The following SPTBN4 variants were observed in gnomAD, a reference collection of about 807,000 sequenced individuals.
SPTBN4 encodes spectrin beta chain, non-erythrocytic 4.
SPTBN4 carries 96 observed loss-of-function variants against 277.8 expected under a neutral mutation model. The ratio of observed to expected loss-of-function variants is 0.35; its 90% CI spans 0.29 to 0.41. SPTBN4 has a LOEUF of 0.41. Among genes scored for constraint, SPTBN4 ranks in the 10% least tolerant of loss-of-function variants. The pLI, the probability that SPTBN4 is intolerant of heterozygous loss-of-function variation, is 1.00. For missense variants in SPTBN4, 3,006 were observed against 3,595.7 expected (o/e 0.84, Z 4.19); for synonymous variants, 1,481 against 1,580.3 (o/e 0.94, Z 1.49).
In SPTBN4 at chr19:40,557,363, T is replaced by C. The variant is rs902047906; in HGVS notation, c.5630T>C (p.Leu1877Pro). ...AGTGCCAGTTCCATGCAGCGGACCC[T>C]GAGAGCCTTTGAGCATGACCTGCAG... ...RPSASSMQRTLRAFEHDLQLL... is the reference protein window; with the variant it reads ...RPSASSMQRTPRAFEHDLQLL... The change falls in exon 26 of 36, where the codon CTG becomes CCG. Residue 1877 changes from leucine to proline, a missense_variant. By Grantham distance (98) the Leu-to-Pro change is moderately conservative. This residue lies in a region of SPTBN4 where 425 missense variants were observed against 594.7 expected (regional missense o/e 0.71). Coordinates refer to ENST00000598249, the MANE Select transcript of SPTBN4 (RefSeq NM_020971.3). 1.3e-6 allele frequency: 2 copies of C among 1,597,466 alleles called. No homozygotes were observed. The highest frequency in any genetic ancestry group is 2.2e-5 in the East Asian group (1 of 44,448).
Position 40,560,081 on chromosome 19 carries a change from C to G in SPTBN4, c.5671-78C>G. 1 of 1,483,230 alleles carries G rather than the reference C, an allele frequency of 6.7e-7. No individual in the cohort carries two copies. The highest frequency in any genetic ancestry group is 8.9e-7 in the Non-Finnish European group (1 of 1,121,220). The allele number at this position is 1,483,230 out of a possible 1,614,324, so 91.9% of individuals were successfully genotyped here. On this transcript the variant is annotated intron_variant, in intron 26 of 35. Transcript: ENST00000598249. The surrounding 1 kb of genome is among the most constrained non-coding windows in gnomAD (Gnocchi z 5.2). ...AGGCTCCTTATATCTTGAGGTTCTG[C>G]GCTGGAGCAGATGGTGGGAGGGAGG...
chr19:40,550,238 G>T lies in SPTBN4; in HGVS notation c.4585G>T (p.Ala1529Ser). Residue 1529 changes from alanine to serine, a missense_variant and splice_region_variant, in exon 22 of 36, where the codon GCA (alanine) becomes TCA (serine). By Grantham distance (99) the Ala-to-Ser change is moderately conservative. This residue lies in a region of SPTBN4 where 1,759 missense variants were observed against 2,061.5 expected (regional missense o/e 0.85). Coordinates refer to ENST00000598249, the MANE Select transcript of SPTBN4 (RefSeq NM_020971.3). ...GACCTGCTTCCTGTGTCCTCTCCAG[G>T]CATGGGTTCAGGAGCGGCTGCCACT... ...QVAHDLDDEL[A>S]WVQERLPLAM... 5 of 1,613,608 alleles carry T rather than the reference G, an allele frequency of 3.1e-6. No individual in the cohort carries two copies. The highest frequency in any genetic ancestry group is 4.2e-6 in the Non-Finnish European group (5 of 1,179,930).
rs529442079 is a variant in SPTBN4 at position 40,502,756 on chromosome 19, C to T, written c.1204-19C>T. ...TGGGGAGCTGTCAGAGTCTGAGTGC[C>T]TCCTCCCATCTCCTGCAGGCATGGG... On this transcript the variant is annotated intron_variant, in intron 10 of 35. Coordinates refer to ENST00000598249, the MANE Select transcript of SPTBN4 (RefSeq NM_020971.3). The surrounding 1 kb of genome is among the most constrained non-coding windows in gnomAD (Gnocchi z 4.9). The T allele has an allele frequency of 5.6e-6, 9 of 1,611,696 alleles. No individual in the cohort carries two copies. The highest frequency in any genetic ancestry group is 7.6e-6 in the Non-Finnish European group (9 of 1,178,896).
intron 17 of SPTBN4, among the ~76,000 whole-genome samples, chr19:40,528,055 C>CAAAAA (rs751179742): frequency 1.2e-4 from 4 of 33,656 alleles, no homozygotes; most frequent in African/African-American, 5.5e-4. Context: ...GACTCCATCT[C>CAAAAA]AAAAAAAAAA....
At chr19:40,514,239 A>G (rs1418562288) in intron 14 of SPTBN4, among the ~76,000 whole-genome samples, 1 of 152,178 alleles carries the variant, frequency 6.6e-6, no homozygotes, top group Non-Finnish European at 1.5e-5. Flanking sequence ...TGTGCTGGGC[A>G]CTGCTGGAAA....
At chr19:40,562,407 G>T (rs2081051708) in intron 27 of SPTBN4, among the ~76,000 whole-genome samples, 1 of 151,954 alleles carries the variant, frequency 6.6e-6, no homozygotes, top group Non-Finnish European at 1.5e-5. Flanking sequence ...GCATGTGCCT[G>T]TAGTCCCAGC....
At position 40,467,131 on chromosome 19, in the gene SPTBN4, G is replaced by C. The variant is rs2079832487; in HGVS notation, c.-190G>C. ...CGGGGGCGCGCTGAGCGCGGCGGCG[G>C]CGCGAGAGAGGGAGGCGCGGCGGCG... On this transcript the variant is annotated 5_prime_UTR_variant, in exon 1 of 36. Coordinates refer to ENST00000598249, the MANE Select transcript of SPTBN4 (RefSeq NM_020971.3). 6.7e-6 allele frequency: 1 copy of C among 148,844 alleles called. No homozygotes were observed. Among genetic ancestry groups the C allele is most frequent in the Non-Finnish European group, 1.5e-5 (1 of 66,428 alleles). 9.2% of individuals were successfully genotyped at this position (148,844 alleles called of 1,614,324 possible).
At chr19:40,570,044 ACT>A (rs1408757567) in intron 32 of SPTBN4, among the ~76,000 whole-genome samples, 1 of 148,886 alleles carries the variant, frequency 6.7e-6, no homozygotes, top group Non-Finnish European at 1.5e-5. Context: ...ACACACACAG[ACT>A]CTTCCCACAT....
At chr19:40,486,841 C>CAGGCACAG (rs1225640643) in intron 2 of SPTBN4, among the ~76,000 whole-genome samples, 1 of 152,144 alleles carries the variant, frequency 6.6e-6, no homozygotes. Context: ...GAGCCTTGAA[C>CAGGCACAG]AGGCACAGAG....
At chr19:40,535,272 A>G (rs969794742) in intron 20 of SPTBN4, among the ~76,000 whole-genome samples, 10 of 152,050 alleles carry the variant, frequency 6.6e-5, no homozygotes, top group Admixed American at 4.6e-4. Context: ...TGCCTAGGGT[A>G]GTCTCAAACT....
intron 4 of SPTBN4, among the ~76,000 whole-genome samples, chr19:40,491,528 G>A (rs1052645738): frequency 6.6e-6 from 1 of 151,874 alleles, no homozygotes; most frequent in Non-Finnish European, 1.5e-5. Flanking sequence ...GATTACCTGA[G>A]TTTAGGAGTT....
At position 40,519,424 on chromosome 19, in the gene SPTBN4, T is replaced by A; in HGVS notation, c.2927T>A (p.Val976Glu). 2.5e-6 allele frequency: 4 copies of A among 1,587,020 alleles called. No homozygotes were observed. The highest frequency in any genetic ancestry group is 3.4e-6 in the Non-Finnish European group (4 of 1,168,890). The change falls in exon 16 of 36, where the codon GTG (valine) becomes GAG (glutamate). Residue 976 changes from valine to glutamate, a missense_variant. By Grantham distance (121) the Val-to-Glu change is moderately radical. Coordinates refer to ENST00000598249, the MANE Select transcript of SPTBN4 (RefSeq NM_020971.3). This position sits in a 1 kb window ranked among gnomAD's most constrained non-coding sequence, Gnocchi z 5.7. ...AGGTGGAACCGCATCGTGGAGCTAG[T>A]GGAACAGCGCAAAGAGGAAATGAGC... Reference protein sequence around the residue: ...NSRWNRIVELVEQRKEEMSAV... With the variant: ...NSRWNRIVELEEQRKEEMSAV...
rs371730713 is a variant in SPTBN4, at chr19:40,572,235, C to T, written c.7493+43C>T. On this transcript the variant is annotated intron_variant, in intron 34 of 35. Transcript: ENST00000598249. ...CAGGAGGGAGGGATCCAAGGCTCAGCTTCAACTCCCAGTGGGACCCTGGCT... is the reference window on the plus strand; with the variant it reads ...CAGGAGGGAGGGATCCAAGGCTCAGTTTCAACTCCCAGTGGGACCCTGGCT... The T allele has an allele frequency of 1.0e-4, 160 of 1,597,992 alleles. No homozygotes were observed. In the African/African-American group the frequency reaches 2.0e-3, roughly 20 times the overall value.
Position 40,566,295 on chromosome 19 carries a change from A to G in SPTBN4, c.6272A>G (p.Glu2091Gly). The G allele has an allele frequency of 6.3e-7, 1 of 1,594,148 alleles. No homozygotes were observed. The highest frequency in any genetic ancestry group is 8.5e-7 in the Non-Finnish European group (1 of 1,170,372). The change falls in exon 30 of 36, where the codon GAG becomes GGG. Residue 2091 changes from glutamate (E) to glycine (G), a missense_variant. Glu to Gly is a moderately conservative substitution (Grantham distance 98). Coordinates refer to ENST00000598249, the MANE Select transcript of SPTBN4 (RefSeq NM_020971.3). The stretch of plus-strand genomic sequence containing the variant: ...GTGGAGCAGCTTATCCGGCGACATG[A>G]GGCCTTCCGCAAAGCGGCTGCAGCC... ...DEVEQLIRRH[E>G]AFRKAAAAWE...
chr19:40,536,728 G>T (rs914953679), intron 20 of SPTBN4, among the ~76,000 whole-genome samples: 3 of 152,172 alleles, frequency 2.0e-5, no homozygotes, highest in African/African-American at 7.2e-5. Flanking sequence ...CAGGAGGATT[G>T]CTTGAGCCTA....
chr19:40,481,250 C>A (rs1406652804), intron 2 of SPTBN4, among the ~76,000 whole-genome samples: 2 of 152,076 alleles, frequency 1.3e-5, no homozygotes, highest in Admixed American at 1.3e-4. Flanking sequence ...GAGACAAGGT[C>A]CCGCTATGTT....
chr19:40,497,442 G>A (rs369259917), intron 6 of SPTBN4, 47 bp from the exon 7 acceptor site: 3 of 1,465,422 alleles, frequency 2.0e-6, no homozygotes, highest in African/African-American at 2.8e-5. Flanking sequence ...CTTGCCCGCC[G>A]GCTCTGGAGC....
In SPTBN4 at chr19:40,487,734, G is replaced by T; in HGVS notation, c.207G>T (p.Lys69Asn). The T allele has an allele frequency of 1.9e-6, 3 of 1,613,712 alleles. No individual in the cohort carries two copies. The African/African-American group carries it at 4.0e-5, about 22-fold the overall frequency. Residue 69 changes from lysine (K) to asparagine (N), a missense_variant, in exon 3 of 36, where the codon AAG becomes AAT. Lys to Asn is a moderately conservative substitution (Grantham distance 94, BLOSUM62 0). Coordinates refer to ENST00000598249, the MANE Select transcript of SPTBN4 (RefSeq NM_020971.3). ...REAVQKKTFT[K>N]WVNSHLARVG... The stretch of plus-strand genomic sequence containing the variant: ...CCGTGCAGAAGAAAACCTTCACCAA[G>T]TGGGTGAACTCGCACCTCGCCCGCG...
chr19:40,490,033 T>C lies in SPTBN4; in HGVS notation c.322-42T>C. ...CGGGGCCGAGGGCGCCATACTCCTGTCTGTCCAGACCCCCGATCGCCCACC... is the reference window on the plus strand; with the variant it reads ...CGGGGCCGAGGGCGCCATACTCCTGCCTGTCCAGACCCCCGATCGCCCACC... On this transcript the variant is annotated intron_variant, in intron 3 of 35. Transcript: ENST00000598249. The surrounding 1 kb of genome is among the most constrained non-coding windows in gnomAD (Gnocchi z 4.3). 6.5e-7 allele frequency: 1 copy of C among 1,540,388 alleles called. No individual in the cohort carries two copies. The highest frequency in any genetic ancestry group is 8.7e-7 in the Non-Finnish European group (1 of 1,143,082).
Sources: allele counts gnomAD v4.1 joint callset (sites outside exome capture counted in the v4.1 genomes callset), GRCh38; gene constraint gnomAD v4.1.1; regional missense constraint gnomAD v4.1.1; non-coding constraint Gnocchi (gnomAD v3.1); transcripts MANE v1.5; gene names NCBI Gene and HGNC (gene_info 2026-07-23, HGNC 2026-07-21).